Variants in TRMT11 observed in about 807,000 individuals in gnomAD.
The protein encoded by TRMT11 is tRNA (guanine(10)-N(2))-methyltransferase TRMT11.
A neutral mutation model predicts 62.8 loss-of-function variants in TRMT11; 53 were observed. The ratio of observed to expected loss-of-function variants is 0.84; its 90% confidence interval spans 0.68 to 1.06. The LOEUF is 1.06. Ranked by LOEUF, TRMT11 falls within the 50% of genes least tolerant of loss-of-function variation. The pLI is 0.00. For synonymous variants in TRMT11, 188 were observed against 190.3 expected (o/e 0.99, Z 0.10); for missense variants, 556 against 553.4 (o/e 1.00, Z -0.05).
At chr6:126,143,990 CAG>C (rs1404654740) in intron 21 of TRMT11, among the ~76,000 whole-genome samples, 1 of 152,156 alleles carries the variant, frequency 6.6e-6, no homozygotes, top group Non-Finnish European at 1.5e-5. Context: ...TTGAGGTAGA[CAG>C]AAAGTAATTA....
chr6:126,093,808 A>G (rs905773344), intron 17 of TRMT11, among the ~76,000 whole-genome samples: 2 of 151,494 alleles, frequency 1.3e-5, no homozygotes, highest in Non-Finnish European at 2.9e-5. Context: ...CTCTAAAACT[A>G]GTAAGTTAAT....
At chr6:126,238,617 T>A in the TRMT11 span, among the ~76,000 whole-genome samples, 4 of 152,208 alleles carry the variant, frequency 2.6e-5, no homozygotes, top group Middle Eastern at 6.8e-3. Context: ...TGCTGAGGAG[T>A]GCTTTACTTC....
intron 11 of TRMT11, among the ~76,000 whole-genome samples, chr6:126,017,131 C>T (rs1795109520): frequency 2.0e-5 from 3 of 151,854 alleles, no homozygotes; most frequent in Admixed American, 6.6e-5. Flanking sequence ...TATATTGGAC[C>T]GGGAATAAAA....
intron 21 of TRMT11, among the ~76,000 whole-genome samples, chr6:126,133,764 A>G (rs1388155924): frequency 6.6e-6 from 1 of 151,996 alleles, no homozygotes; most frequent in African/African-American, 2.4e-5. Context: ...GTTGGGTGAG[A>G]GATAAAGCCC....
chr6:126,251,033 ATT>A, the TRMT11 span, among the ~76,000 whole-genome samples: 2 of 139,158 alleles, frequency 1.4e-5, no homozygotes, highest in Non-Finnish European at 1.6e-5. Flanking sequence ...TTAATTTTCA[ATT>A]TTTTTTTTTT....
At chr6:126,216,519 T>A in the TRMT11 span, among the ~76,000 whole-genome samples, 1 of 152,152 alleles carries the variant, frequency 6.6e-6, no homozygotes. Flanking sequence ...TATTCCATTG[T>A]GTTCAGAGAA....
At chr6:126,252,565 A>G in the TRMT11 span, among the ~76,000 whole-genome samples, 1,494 of 152,302 alleles carry the variant, frequency 9.8e-3, 32 homozygotes, top group African/African-American at 0.033. Context: ...CTCAATGAGA[A>G]GAGTATCCGC....
chr6:126,052,051 GC>G (rs1438805238), intron 16 of TRMT11, among the ~76,000 whole-genome samples: 1 of 152,154 alleles, frequency 6.6e-6, no homozygotes, highest in Non-Finnish European at 1.5e-5. Flanking sequence ...ACTGGATCAG[GC>G]CATTCCAAGT....
the TRMT11 span, among the ~76,000 whole-genome samples, chr6:126,209,281 A>G: frequency 6.6e-6 from 1 of 152,200 alleles, no homozygotes; most frequent in Non-Finnish European, 1.5e-5. Flanking sequence ...TCATTAATAA[A>G]ACAAGGAGGC....
At chr6:126,028,269 T>A (rs1240106745) in intron 12 of TRMT11, among the ~76,000 whole-genome samples, 1 of 152,092 alleles carries the variant, frequency 6.6e-6, no homozygotes, top group Non-Finnish European at 1.5e-5. Context: ...GTAAGATAGA[T>A]ATAGGTAATA....
At chr6:126,094,688 A>T (rs375701117) in intron 17 of TRMT11, among the ~76,000 whole-genome samples, 1 of 152,210 alleles carries the variant, frequency 6.6e-6, no homozygotes, top group Non-Finnish European at 1.5e-5. Flanking sequence ...AAGCAAGACA[A>T]TGGTTCCTTT....
downstream of TRMT11, among the ~76,000 whole-genome samples, chr6:126,207,668 C>T (rs1778802534): frequency 6.6e-6 from 1 of 152,152 alleles, no homozygotes; most frequent in Admixed American, 6.5e-5. Context: ...CTCATGGCCA[C>T]GCTGTAGTTA....
At chr6:126,112,571 T>C (rs1288192135) in intron 17 of TRMT11, among the ~76,000 whole-genome samples, 1 of 152,154 alleles carries the variant, frequency 6.6e-6, no homozygotes, top group African/African-American at 2.4e-5. Context: ...ACAGATAGCC[T>C]GGCCTTGCCA....
downstream of TRMT11, among the ~76,000 whole-genome samples, chr6:126,202,811 C>T (rs932684997): frequency 6.6e-6 from 1 of 152,030 alleles, no homozygotes. Flanking sequence ...TCTATGGGGG[C>T]GTCATCTTTG....
At chr6:126,147,857 G>T (rs531887574) in intron 21 of TRMT11, among the ~76,000 whole-genome samples, 103 of 152,022 alleles carry the variant, frequency 6.8e-4, no homozygotes, top group African/African-American at 2.5e-3. Flanking sequence ...GAGAACACAT[G>T]GACACAGGGA....
At chr6:126,122,341 G>C (rs58808470) in intron 21 of TRMT11, among the ~76,000 whole-genome samples, 3,426 of 152,140 alleles carry the variant, frequency 0.023, 112 homozygotes, top group African/African-American at 0.076. Flanking sequence ...GTTTTTCTCT[G>C]ACCTTCTCTT....
the TRMT11 span, among the ~76,000 whole-genome samples, chr6:126,269,250 C>A: frequency 8.5e-6 from 1 of 118,234 alleles, no homozygotes; most frequent in Non-Finnish European, 1.6e-5. Context: ...GGCGACAGAG[C>A]GAGACTCCGT....
chr6:126,150,372 C>T (rs1184663557), intron 21 of TRMT11, among the ~76,000 whole-genome samples: 1 of 152,166 alleles, frequency 6.6e-6, no homozygotes, highest in African/African-American at 2.4e-5. Context: ...TACCCAGTTT[C>T]AGGGATTCTG....
chr6:126,242,605 A>T, the TRMT11 span, among the ~76,000 whole-genome samples: 1 of 152,230 alleles, frequency 6.6e-6, no homozygotes, highest in African/African-American at 2.4e-5. Flanking sequence ...AATGGAACAG[A>T]ACAGAGCCCT....
Sources: allele counts gnomAD v4.1 joint callset (sites outside exome capture counted in the v4.1 genomes callset), GRCh38; gene constraint gnomAD v4.1.1; transcripts MANE v1.5; gene names NCBI Gene and HGNC (gene_info 2026-07-23, HGNC 2026-07-21).